Variants in USP44 observed in about 807,000 individuals in gnomAD.
USP44 encodes ubiquitin carboxyl-terminal hydrolase 44.
In USP44, 61 loss-of-function variants were observed where a neutral mutation model predicts 69.0. The ratio of observed to expected loss-of-function variants is 0.88; its 90% CI spans 0.72 to 1.09. USP44 has a LOEUF of 1.09. USP44 is among the 50% of genes least tolerant of loss of function. USP44 has a pLI of 0.00. For synonymous variants in USP44, 297 were observed against 295.4 expected, an observed-to-expected ratio of 1.01 and a Z score of -0.06; for missense variants, 753 against 849.9, an observed-to-expected ratio of 0.89 and a Z score of 1.42.
In USP44 at chr12:95,517,984, C is replaced by A. The variant is rs968210214; in HGVS notation, c.*170G>T. ...CTCCAAATATGAAAAAAGTAGTTAC[C>A]TTCAGTTGATATATACATTTATACT... On this transcript the variant is annotated 3_prime_UTR_variant, in exon 6 of 6. Coordinates refer to ENST00000258499, the MANE Select transcript of USP44 (RefSeq NM_032147.5). 1.7e-6 allele frequency: 1 copy of A among 581,628 alleles called. No homozygotes were observed. The highest frequency in any genetic ancestry group is 2.8e-6 in the Non-Finnish European group (1 of 361,914). The allele number at this position is 581,628 out of a possible 1,614,324, so 36.0% of individuals were successfully genotyped here.
rs1430659856 is a variant in USP44, at chr12:95,529,455, G to A, written c.1429-453C>T. On this transcript the variant is annotated intron_variant, in intron 2 of 5. Transcript: ENST00000258499. ...TTTTTTTTTTTTGAGATGGAGTCTCGCTCTGTCCCCAGTGCTAGGGTGCAA... is the reference window on the plus strand; with the variant it reads ...TTTTTTTTTTTTGAGATGGAGTCTCACTCTGTCCCCAGTGCTAGGGTGCAA... Among the ~76,000 whole-genome samples the A allele has an allele frequency of 3.3e-5, 5 of 150,100 alleles. No individual in the cohort carries two copies. In the South Asian group the frequency reaches 8.5e-4, roughly 25 times the overall value.
At chr12:95,547,739 A>G (rs1481550345) in intron 1 of USP44, among the ~76,000 whole-genome samples, 1 of 152,188 alleles carries the variant, frequency 6.6e-6, no homozygotes, top group Admixed American at 6.5e-5. Flanking sequence ...ATTTCCATGC[A>G]AATTTCACAA....
chr12:95,544,431 A>G (rs2077507193), intron 1 of USP44, among the ~76,000 whole-genome samples: 1 of 152,140 alleles, frequency 6.6e-6, no homozygotes, highest in Non-Finnish European at 1.5e-5. Flanking sequence ...AGACACTTGG[A>G]AAGAAAGCAT....
chr12:95,547,898 T>C (rs932874225), intron 1 of USP44: 1 of 152,230 alleles, frequency 6.6e-6, no homozygotes, highest in African/African-American at 2.4e-5. Flanking sequence ...ACCAGTAGAA[T>C]TTAACAACAG....
intron 1 of USP44, 46 bp downstream of exon 1, chr12:95,551,226 A>G (rs2077717095): frequency 6.6e-6 from 1 of 152,060 alleles, no homozygotes; most frequent in Non-Finnish European, 1.5e-5. Context: ...AAAAGAAAAA[A>G]GCCTCCTTCC....
At chr12:95,531,435 G>T (rs1307663128) in intron 2 of USP44, among the ~76,000 whole-genome samples, 1 of 152,100 alleles carries the variant, frequency 6.6e-6, no homozygotes, top group Non-Finnish European at 1.5e-5. Context: ...GGATTGTGGG[G>T]TTATAGGATT....
chr12:95,542,885 G>C (rs1226938426), intron 1 of USP44, among the ~76,000 whole-genome samples: 1 of 147,772 alleles, frequency 6.8e-6, no homozygotes, highest in East Asian at 2.1e-4. Context: ...TCAGGAGATT[G>C]AGACCATCCT....
At chr12:95,544,124 G>A (rs1309962541) in intron 1 of USP44, among the ~76,000 whole-genome samples, 1 of 129,670 alleles carries the variant, frequency 7.7e-6, no homozygotes, top group Non-Finnish European at 1.6e-5. Context: ...GCACGATCTC[G>A]GCTCACTGCA....
At position 95,517,979 on chromosome 12, in the gene USP44, G is replaced by C. The variant is rs1311340167; in HGVS notation, c.*175C>G. On this transcript the variant is annotated 3_prime_UTR_variant, in exon 6 of 6. Coordinates refer to ENST00000258499, the MANE Select transcript of USP44 (RefSeq NM_032147.5). ...TAAAACTCCAAATATGAAAAAAGTA[G>C]TTACCTTCAGTTGATATATACATTT... 1 of 557,892 alleles carries C rather than the reference G, an allele frequency of 1.8e-6. No homozygotes were observed. Among genetic ancestry groups the C allele is most frequent in the East Asian group, 3.1e-5 (1 of 32,560 alleles). The allele number at this position is 557,892 out of a possible 1,614,324, so 34.6% of individuals were successfully genotyped here. A position where few individuals can be genotyped will look rare whatever the true frequency, so the allele number is the denominator to read the frequency against.
At chr12:95,535,493 C>G (rs529079421) in intron 1 of USP44, 1 of 151,956 alleles carries the variant, frequency 6.6e-6, no homozygotes, top group South Asian at 2.1e-4. Context: ...CAGAAACATA[C>G]AAGGAAATAA....
chr12:95,522,114 G>A, intron 4 of USP44: 2 of 985,224 alleles, frequency 2.0e-6, no homozygotes, highest in Non-Finnish European at 2.4e-6. Flanking sequence ...ATAATGAGTT[G>A]GTGCTACGAG....
chr12:95,542,361 G>A (rs1400677250), intron 1 of USP44, among the ~76,000 whole-genome samples: 2 of 152,088 alleles, frequency 1.3e-5, no homozygotes, highest in African/African-American at 2.4e-5. Flanking sequence ...TTCTCTCAGG[G>A]CTTTATGAAG....
chr12:95,522,035 T>G, intron 4 of USP44: 1 of 985,362 alleles, frequency 1.0e-6, no homozygotes, highest in Non-Finnish European at 1.2e-6. Context: ...CCTGTTATTT[T>G]CTCAGTCTGC....
chr12:95,535,508 A>G (rs1388024407), intron 1 of USP44: 2 of 152,172 alleles, frequency 1.3e-5, no homozygotes, highest in African/African-American at 4.8e-5. Context: ...AAATAAAGAG[A>G]AAAAAAGGAA....
rs1565821506 is a variant in USP44, at chr12:95,533,239, TTTCCTGACATTCA to T, written c.1005_1017del (p.Asn335LysfsTer18). 1 of 1,614,182 alleles carries T rather than the reference TTTCCTGACATTCA, an allele frequency of 6.2e-7. No individual in the cohort carries two copies. Among genetic ancestry groups the T allele is most frequent in the Admixed American group, 1.7e-5 (1 of 60,030 alleles). ...CTGGAGCAAACAAAACCTGTATCTT[TTTCCTGACATTCA>T]TTCATTTGATATACTACTGTATCTG... On this transcript the variant is annotated frameshift_variant, in exon 2 of 6. Transcript: ENST00000258499. LOFTEE classifies it high-confidence loss of function.
rs544077375 is a variant in USP44 at position 95,520,320 on chromosome 12, G to A, written c.1939+677C>T. 4.6e-5 allele frequency among the ~76,000 whole-genome samples: 7 copies of A among 152,064 alleles called. No individual in the cohort carries two copies. The South Asian group carries it at 1.0e-3, about 23-fold the overall frequency. On this transcript the variant is annotated intron_variant, in intron 5 of 5. Transcript: ENST00000258499. The stretch of plus-strand genomic sequence containing the variant: ...ATCCTGGCTAACATGGTGAAACCCC[G>A]TCTCTACTGAAAATACAAAAAATTA...
At chr12:95,520,027 A>AAAAAAAAAAAAAAAAC (rs2076607515) in intron 5 of USP44, among the ~76,000 whole-genome samples, 1 of 148,734 alleles carries the variant, frequency 6.7e-6, no homozygotes, top group Non-Finnish European at 1.5e-5. Context: ...AAAAAAAAAA[A>AAAAAAAAAAAAAAAAC]AAAAAAAAAG....
chr12:95,535,754 A>G (rs1289136058), intron 1 of USP44, among the ~76,000 whole-genome samples: 1 of 152,178 alleles, frequency 6.6e-6, no homozygotes, highest in Non-Finnish European at 1.5e-5. Context: ...TACAAATCAA[A>G]GACAAATTTC....
rs2076533234 is a variant in USP44 at position 95,518,150 on chromosome 12, T to C, written c.*4A>G. 2 of 1,614,020 alleles carry C rather than the reference T, an allele frequency of 1.2e-6. No individual in the cohort carries two copies. The highest frequency in any genetic ancestry group is 1.1e-5 in the South Asian group (1 of 91,086). ...CACAGGAAGAAAACCCCATTGTCTT[T>C]GGATCAGCTAAGGATTTCATTAGAC... On this transcript the variant is annotated 3_prime_UTR_variant, in exon 6 of 6. Coordinates refer to ENST00000258499, the MANE Select transcript of USP44 (RefSeq NM_032147.5).
Sources: allele counts gnomAD v4.1 joint callset (sites outside exome capture counted in the v4.1 genomes callset), GRCh38; gene constraint gnomAD v4.1.1; transcripts MANE v1.5; gene names NCBI Gene and HGNC (gene_info 2026-07-23, HGNC 2026-07-21).